The following RAB3IL1 variants were observed in gnomAD, a reference collection of about 807,000 sequenced individuals.
RAB3IL1 encodes the protein RAB3A interacting protein like 1, also known as guanine nucleotide exchange factor for Rab-3A.
In RAB3IL1, 37 loss-of-function variants were observed where a neutral mutation model predicts 49.2. That is an observed-to-expected ratio of 0.75 (90% CI 0.58 to 0.99). The LOEUF is 0.99. Among genes scored for constraint, RAB3IL1 ranks in the 50% least tolerant of loss-of-function variants. The pLI is 0.00. For synonymous variants in RAB3IL1, 193 were observed against 213.9 expected (o/e 0.90, Z 0.85); for missense variants, 484 against 513.0 (o/e 0.94, Z 0.55).
At chr11:61,923,453 T>C (rs192474155), upstream of RAB3IL1, among the ~76,000 whole-genome samples, 1 of 152,164 alleles carries the variant, frequency 6.6e-6, no homozygotes, top group South Asian at 2.1e-4. Flanking sequence ...AAGGCCACCA[T>C]CCGCCTGCCT....
Position 61,904,739 on chromosome 11 carries a change from C to T in RAB3IL1, c.786+15G>A, listed in dbSNP as rs768453400. On this transcript the variant is annotated intron_variant, in intron 6 of 9. Coordinates refer to ENST00000394836, the MANE Select transcript of RAB3IL1 (RefSeq NM_013401.4). ...GGTGTGTCCCCCAGCTGGCCCCGCCCCTGCCATGCCTCACCTCCTGCATTG... is the reference window on the plus strand; with the variant it reads ...GGTGTGTCCCCCAGCTGGCCCCGCCTCTGCCATGCCTCACCTCCTGCATTG... 2 of 1,589,924 alleles carry T rather than the reference C, an allele frequency of 1.3e-6. No homozygotes were observed. Among genetic ancestry groups the T allele is most frequent in the East Asian group, 4.5e-5 (2 of 44,022 alleles).
intron 1 of RAB3IL1, among the ~76,000 whole-genome samples, chr11:61,910,258 A>G (rs1336388104): frequency 6.6e-6 from 1 of 152,166 alleles, no homozygotes; most frequent in Admixed American, 6.5e-5. Flanking sequence ...CTGCTTCAAG[A>G]TAAAGCGCTG....
chr11:61,932,577 C>A, the RAB3IL1 span, among the ~76,000 whole-genome samples: 1 of 151,992 alleles, frequency 6.6e-6, no homozygotes, highest in African/African-American at 2.4e-5. Flanking sequence ...AAAACAAGGC[C>A]CTGCCCTATG....
At chr11:61,910,320 G>A (rs531256508) in intron 1 of RAB3IL1, among the ~76,000 whole-genome samples, 1 of 152,330 alleles carries the variant, frequency 6.6e-6, no homozygotes, top group African/African-American at 2.4e-5. Flanking sequence ...AGGGAAATCT[G>A]ACCCAATTCT....
At chr11:61,901,851 G>A (rs907017489) in intron 8 of RAB3IL1, among the ~76,000 whole-genome samples, 1 of 152,254 alleles carries the variant, frequency 6.6e-6, no homozygotes, top group African/African-American at 2.4e-5. Context: ...CCTGAGCAGA[G>A]AATCCAGTAA....
the RAB3IL1 span, among the ~76,000 whole-genome samples, chr11:61,927,369 T>C: frequency 4.6e-5 from 7 of 152,118 alleles, no homozygotes; most frequent in Admixed American, 1.3e-4. Flanking sequence ...GTATTCCCTA[T>C]AGCAATGCAA....
At chr11:61,903,063 C>T (rs761505913) in intron 7 of RAB3IL1, among the ~76,000 whole-genome samples, 2 of 152,136 alleles carry the variant, frequency 1.3e-5, no homozygotes, top group African/African-American at 2.4e-5. Flanking sequence ...CTCCTCCCCC[C>T]AGTCCTGCAT....
intron 1 of RAB3IL1, among the ~76,000 whole-genome samples, chr11:61,910,882 G>C (rs1026305101): frequency 6.6e-6 from 1 of 152,252 alleles, no homozygotes. Context: ...AAGGGCAAGA[G>C]GTGACAGCAC....
At chr11:61,921,328 C>T (rs902196693), upstream of RAB3IL1, among the ~76,000 whole-genome samples, 5 of 152,164 alleles carry the variant, frequency 3.3e-5, no homozygotes, top group African/African-American at 4.8e-5. Flanking sequence ...CCTTTGAGCA[C>T]GTTAGCCTCT....
chr11:61,940,930 A>AT, the RAB3IL1 span, among the ~76,000 whole-genome samples: 1 of 151,522 alleles, frequency 6.6e-6, no homozygotes, highest in African/African-American at 2.4e-5. Context: ...AAAAAAAAAA[A>AT]TGTAAAAATT....
intron 1 of RAB3IL1, among the ~76,000 whole-genome samples, chr11:61,912,601 G>A (rs1248022087): frequency 1.3e-5 from 2 of 152,232 alleles, no homozygotes; most frequent in Non-Finnish European, 2.9e-5. Flanking sequence ...AGGCCCCTGA[G>A]GTTCAGAGAG....
the RAB3IL1 span, among the ~76,000 whole-genome samples, chr11:61,937,481 G>A: frequency 6.6e-6 from 1 of 151,804 alleles, no homozygotes; most frequent in Admixed American, 6.6e-5. Context: ...AATTTGGTGG[G>A]GGGGTGGCTA....
the RAB3IL1 span, among the ~76,000 whole-genome samples, chr11:61,945,102 A>T: frequency 6.6e-6 from 1 of 152,190 alleles, no homozygotes; most frequent in African/African-American, 2.4e-5. Flanking sequence ...AGGGAAAGGC[A>T]GCTAAGGCAG....
chr11:61,944,935 C>A, the RAB3IL1 span, among the ~76,000 whole-genome samples: 2 of 151,956 alleles, frequency 1.3e-5, no homozygotes, highest in Non-Finnish European at 1.5e-5. Flanking sequence ...TCCTGACCTC[C>A]CGTGATTCAC....
At chr11:61,945,647 C>A in the RAB3IL1 span, 1 of 574,396 alleles carries the variant, frequency 1.7e-6, no homozygotes, top group Non-Finnish European at 2.2e-6. Flanking sequence ...AGCATCCAGG[C>A]CCTGCACAGT....
chr11:61,935,784 C>T, the RAB3IL1 span, among the ~76,000 whole-genome samples: 20 of 151,910 alleles, frequency 1.3e-4, no homozygotes, highest in African/African-American at 4.3e-4. Flanking sequence ...CAAAGTGCTG[C>T]GATTACAGGG....
At position 61,902,433 on chromosome 11, in the gene RAB3IL1, C is replaced by T. The variant is rs1347819455; in HGVS notation, c.999+9G>A. ...AGGAGTCAAGTAACGCTTGCAAAGG[C>T]TGACTCACCCTGGCCCGGGAAGATG... On this transcript the variant is annotated intron_variant, in intron 8 of 9. Coordinates refer to ENST00000394836, the MANE Select transcript of RAB3IL1 (RefSeq NM_013401.4). 2 of 1,579,102 alleles carry T rather than the reference C, an allele frequency of 1.3e-6. No individual in the cohort carries two copies. Among genetic ancestry groups the T allele is most frequent in the Non-Finnish European group, 1.7e-6 (2 of 1,163,528 alleles).
intron 5 of RAB3IL1, among the ~76,000 whole-genome samples, chr11:61,905,700 A>G (rs573164976): frequency 6.6e-6 from 1 of 152,262 alleles, no homozygotes; most frequent in East Asian, 1.9e-4. Flanking sequence ...CAGAGGTGGA[A>G]GCCAGGATGG....
Position 61,906,486 on chromosome 11 carries a change from G to A in RAB3IL1, c.637C>T (p.Pro213Ser). 1.9e-6 allele frequency: 3 copies of A among 1,545,224 alleles called. No individual in the cohort carries two copies. In the South Asian group the frequency reaches 3.6e-5, roughly 18 times the overall value. Residue 213 changes from proline (P) to serine (S), a missense_variant, in exon 5 of 10, where the codon CCA becomes TCA. Transcript: ENST00000394836. This position sits in a 1 kb window ranked among gnomAD's most constrained non-coding sequence, Gnocchi z 4.6. ...CTCACCTCCTTGCCCTCTCTGTCTG[G>A]GGTGAGGGTGTGTCCCGCAGCGGGA... ...VCPAAGHTLT[P>S]DREGKEVDTI...
Sources: allele counts gnomAD v4.1 joint callset (sites outside exome capture counted in the v4.1 genomes callset), GRCh38; gene constraint gnomAD v4.1.1; non-coding constraint Gnocchi (gnomAD v3.1); transcripts MANE v1.5; gene names NCBI Gene and HGNC (gene_info 2026-07-23, HGNC 2026-07-21).